Variants in ARSF observed in about 807,000 individuals in gnomAD.
ARSF encodes the protein arylsulfatase F.
A neutral mutation model predicts 35.4 loss-of-function variants in ARSF; 33 were observed. The observed-to-expected ratio is 0.93, with a 90% CI of 0.71 to 1.25. The LOEUF (loss-of-function observed/expected upper bound fraction) is 1.25. Among genes scored for constraint, ARSF ranks in the 50% most tolerant of loss-of-function variants. The pLI is 0.00. For missense variants in ARSF, 501 were observed against 480.2 expected, an observed-to-expected ratio of 1.04 and a Z score of -0.40; for synonymous variants, 222 against 193.1, an observed-to-expected ratio of 1.15 and a Z score of -1.24.
chrX:3,060,900 A>T (rs2090039042), intron 1 of ARSF, among the ~76,000 whole-genome samples: 1 of 112,047 alleles, frequency 8.9e-6, no homozygotes, highest in Admixed American at 9.5e-5. Context: ...TCAGGATATT[A>T]TCCAGGAGAA....
intron 1 of ARSF, among the ~76,000 whole-genome samples, chrX:3,065,457 A>C (rs191771733): frequency 9.2e-6 from 1 of 108,249 alleles, no homozygotes; most frequent in African/African-American, 3.4e-5. Context: ...TAAATAAATA[A>C]ATAAATAAAA....
Position 3,103,783 on chromosome X carries a change from G to A in ARSF, c.1124G>A (p.Trp375Ter), listed in dbSNP as rs1179543003. The A allele has an allele frequency of 1.7e-6, 2 of 1,211,585 alleles. No individual in the cohort carries two copies. Among genetic ancestry groups the A allele is most frequent in the Non-Finnish European group, 2.2e-6 (2 of 895,376 alleles). Reference protein sequence around the residue: ...IYKGGKGMGGWEGGIRVPGIV... With the variant: ...IYKGGKGMGG Reference sequence around the variant, plus strand: ...ATAGGTGGAAAAGGCATGGGGGGCTGGGAAGGTGGAATCCGCGTCCCAGGA... The same window carrying A: ...ATAGGTGGAAAAGGCATGGGGGGCTAGGAAGGTGGAATCCGCGTCCCAGGA... The change falls in exon 9 of 11, where the codon TGG becomes TAG. Residue 375 changes from tryptophan to a stop codon, truncating the protein, a stop_gained. Transcript: ENST00000381127. LOFTEE classifies it high-confidence loss of function.
intron 1 of ARSF, among the ~76,000 whole-genome samples, chrX:3,066,255 T>TG (rs2090065571): frequency 8.9e-6 from 1 of 112,124 alleles, no homozygotes; most frequent in South Asian, 3.7e-4. Context: ...AGTTGCTATC[T>TG]GGCTTTGCAT....
chrX:3,056,346 G>A (rs1242730745), intron 1 of ARSF, among the ~76,000 whole-genome samples: 1 of 107,088 alleles, frequency 9.3e-6, no homozygotes, highest in Non-Finnish European at 1.9e-5. Context: ...CGCTATCTCG[G>A]CTCACTGCAA....
In ARSF at chrX:3,093,925, T is replaced by C. The variant is rs1359537445; in HGVS notation, c.967+4293T>C. On this transcript the variant is annotated intron_variant, in intron 7 of 10. Transcript: ENST00000381127. ...GTTCCTCTTTTATTTTTTTGACTTA[T>C]TGGGTTCGTGCAAAAGTAACTGAGG... Among the ~76,000 whole-genome samples, 53 of 112,032 alleles carry C rather than the reference T, an allele frequency of 4.7e-4. No individual in the cohort carries two copies. The Admixed American group carries it at 4.8e-3, about 10-fold the overall frequency.
rs200506009 is a variant in ARSF, at chrX:3,076,105, TTC to T, written c.162-433_162-432del. Among the ~76,000 whole-genome samples, 8 of 107,116 alleles carry T rather than the reference TTC, an allele frequency of 7.5e-5. No homozygotes were observed. The Middle Eastern group carries it at 0.015, about 204-fold the overall frequency. The allele number at this position is 107,116 out of a possible 115,157, so 93.0% of individuals were successfully genotyped here. A position where few individuals can be genotyped will look rare whatever the true frequency, so the allele number is the denominator to read the frequency against. On this transcript the variant is annotated intron_variant, in intron 3 of 10. Transcript: ENST00000381127. Reference sequence around the variant, plus strand: ...TCTCTTTCCATCTCTCTCTTTCTGTTTCTCTCTCTCTGTCTTTCTCTCTCTCT... The same window carrying T: ...TCTCTTTCCATCTCTCTCTTTCTGTTTCTCTCTCTGTCTTTCTCTCTCTCT...
chrX:3,101,492 A>G (rs745510374), intron 8 of ARSF, among the ~76,000 whole-genome samples: 1 of 111,595 alleles, frequency 9.0e-6, no homozygotes, highest in East Asian at 2.8e-4. Flanking sequence ...AGTTAGCACA[A>G]GCAGATGCTT....
chrX:3,098,873 CA>C (rs1284295220), intron 7 of ARSF, among the ~76,000 whole-genome samples: 1 of 110,417 alleles, frequency 9.1e-6, no homozygotes, highest in African/African-American at 3.3e-5. Flanking sequence ...TTTTTATAAT[CA>C]GAAAAATATT....
chrX:3,083,618 C>G (rs1392401452), intron 5 of ARSF, among the ~76,000 whole-genome samples: 1 of 110,994 alleles, frequency 9.0e-6, no homozygotes, highest in African/African-American at 3.3e-5. Context: ...ATCTATCTTT[C>G]TTTCTATCAT....
At chrX:3,104,515 G>A (rs1243374776) in intron 9 of ARSF, among the ~76,000 whole-genome samples, 1 of 112,357 alleles carries the variant, frequency 8.9e-6, no homozygotes, top group African/African-American at 3.2e-5. Context: ...ATTGTGAAGA[G>A]TGCTGCGATA....
chrX:3,080,016 G>GA lies in ARSF; in HGVS notation c.284-866dup, dbSNP rs1160888651. Among the ~76,000 whole-genome samples, 39 of 60,567 alleles carry GA rather than the reference G, an allele frequency of 6.4e-4. 1 individual carries two copies. The highest frequency in any genetic ancestry group is 1.1e-3 in the African/African-American group (19 of 16,752). 52.6% of individuals were successfully genotyped at this position (60,567 alleles called of 115,157 possible). A position where few individuals can be genotyped will look rare whatever the true frequency, so the allele number is the denominator to read the frequency against. ...AAGAGAGAGAGAGAAAAAAAAAAAA[G>GA]AAAAAAAAATGGTGAGGGAAGTAGT... On this transcript the variant is annotated intron_variant, in intron 4 of 10. Transcript: ENST00000381127.
chrX:3,050,814 G>A (rs1299060554), intron 1 of ARSF, among the ~76,000 whole-genome samples: 1 of 110,931 alleles, frequency 9.0e-6, no homozygotes, highest in Non-Finnish European at 1.9e-5. Flanking sequence ...GCTCACTTGA[G>A]GCGTTCTTCC....
chrX:3,104,973 G>A (rs893904556), intron 9 of ARSF, among the ~76,000 whole-genome samples: 3 of 111,684 alleles, frequency 2.7e-5, no homozygotes, highest in Admixed American at 9.5e-5. Context: ...TTCAAGAGGA[G>A]ATCGTTCATA....
In ARSF at chrX:3,072,170, C is replaced by T; in HGVS notation, c.156C>T (p.Thr52=). The T allele has an allele frequency of 8.3e-7, 1 of 1,210,082 alleles. No individual in the cohort carries two copies. Among genetic ancestry groups the T allele is most frequent in the South Asian group, 1.8e-5 (1 of 56,809 alleles). Residue 52 remains threonine (T), a synonymous_variant, in exon 3 of 11, where the codon ACC becomes ACT. Coordinates refer to ENST00000381127, the MANE Select transcript of ARSF (RefSeq NM_001201539.2). The stretch of plus-strand genomic sequence containing the variant: ...ATCTGGGCTGCTACGGCAATGACAC[C>T]ATGAGGTAAGGCGGTTTCATGGCCA... The part of the protein sequence containing the change: ...IGDLGCYGND[T]MRTPHIDRLA...
intron 1 of ARSF, among the ~76,000 whole-genome samples, chrX:3,051,754 G>A (rs1018618546): frequency 9.0e-6 from 1 of 111,688 alleles, no homozygotes; most frequent in Non-Finnish European, 1.9e-5. Flanking sequence ...AGCATTTTGA[G>A]AGCCCAAGGC....
upstream of ARSF, among the ~76,000 whole-genome samples, chrX:3,041,296 TTTC>T (rs1265827506): frequency 7.7e-4 from 28 of 36,216 alleles, no homozygotes; most frequent in African/African-American, 4.2e-3. Context: ...TTCTTTTCTT[TTTC>T]TTTTTTTTTT....
chrX:3,090,911 A>G (rs764149559), intron 7 of ARSF, among the ~76,000 whole-genome samples: 27 of 106,174 alleles, frequency 2.5e-4, no homozygotes, highest in South Asian at 8.1e-4. Context: ...ATGAGTGCAC[A>G]TGTCTTTTTT....
chrX:3,061,463 A>C (rs1263613737), intron 1 of ARSF, among the ~76,000 whole-genome samples: 1 of 111,620 alleles, frequency 9.0e-6, no homozygotes, highest in East Asian at 2.8e-4. Flanking sequence ...TATTAACCTT[A>C]AATGTAAATG....
At chrX:3,049,127 T>C (rs2089986559) in intron 1 of ARSF, among the ~76,000 whole-genome samples, 1 of 112,601 alleles carries the variant, frequency 8.9e-6, no homozygotes, top group South Asian at 3.6e-4. Context: ...CCTGAGAACA[T>C]GCGCCCAATG....
Sources: allele counts gnomAD v4.1 joint callset (sites outside exome capture counted in the v4.1 genomes callset), GRCh38; gene constraint gnomAD v4.1.1; transcripts MANE v1.5; gene names NCBI Gene and HGNC (gene_info 2026-07-23, HGNC 2026-07-21).